Variants in TLNRD1 observed in about 807,000 individuals in gnomAD.
TLNRD1 encodes talin rod domain containing 1, also known as talin rod domain-containing protein 1.
TLNRD1 carries 14 observed loss-of-function variants against 19.5 expected under a neutral mutation model. The ratio of observed to expected loss-of-function variants is 0.72; its 90% CI spans 0.47 to 1.12. TLNRD1 has a LOEUF of 1.12. Ranked by LOEUF, TLNRD1 falls within the 50% of genes most tolerant of loss-of-function variation. The probability of loss-of-function intolerance (pLI) is 0.00; values close to 1 mark genes in which losing one functional copy is unlikely to be tolerated. For missense variants in TLNRD1, 569 were observed against 531.9 expected (o/e 1.07, Z -0.69); for synonymous variants, 345 against 261.7 (o/e 1.32, Z -3.07).
rs1893440641 is a variant in TLNRD1, at chr15:81,003,033, G to A, written c.762G>A (p.Leu254=). The A allele has an allele frequency of 6.4e-7, 1 of 1,552,424 alleles. No individual in the cohort carries two copies. The highest frequency in any genetic ancestry group is 8.7e-7 in the Non-Finnish European group (1 of 1,155,540). The part of the protein sequence containing the change: ...RSRCALFSGP[L]VQAVSALVGF... ...GCTGTGCGCTCTTCAGCGGGCCCCT[G>A]GTGCAGGCAGTGAGCGCCCTGGTAG... Residue 254 remains leucine (L), a synonymous_variant, in exon 1 of 1, where the codon CTG becomes CTA. Transcript: ENST00000267984.
rs1161004178 is a variant in TLNRD1, at chr15:81,003,031, C to T, written c.760C>T (p.Leu254=). Residue 254 remains leucine, a synonymous_variant, in exon 1 of 1, where the codon CTG becomes TTG. Transcript: ENST00000267984. ...RSRCALFSGP[L]VQAVSALVGF... Reference sequence around the variant, plus strand: ...CCGCTGTGCGCTCTTCAGCGGGCCCCTGGTGCAGGCAGTGAGCGCCCTGGT... The same window carrying T: ...CCGCTGTGCGCTCTTCAGCGGGCCCTTGGTGCAGGCAGTGAGCGCCCTGGT... 49 of 1,553,108 alleles carry T rather than the reference C, an allele frequency of 3.2e-5. No individual in the cohort carries two copies. Among genetic ancestry groups the T allele is most frequent in the East Asian group, 4.8e-5 (2 of 41,850 alleles).
Position 81,002,583 on chromosome 15 carries a change from C to T in TLNRD1, c.312C>T (p.Arg104=), listed in dbSNP as rs1244667228. The T allele has an allele frequency of 6.8e-7, 1 of 1,471,878 alleles. No homozygotes were observed. Among genetic ancestry groups the T allele is most frequent in the Non-Finnish European group, 8.9e-7 (1 of 1,119,886 alleles). The allele number at this position is 1,471,878 out of a possible 1,614,324, so 91.2% of individuals were successfully genotyped here. ...TGCAGAGCCAGCTCAACATGGGCCG[C>T]TTCGGGGAGGCGGGGGACAGCCTGG... is the stretch of plus-strand genomic sequence containing the variant. ...HDVQSQLNMG[R]FGEAGDSLVE... Residue 104 remains arginine, a synonymous_variant, in exon 1 of 1, where the codon CGC becomes CGT. Coordinates refer to ENST00000267984, the MANE Select transcript of TLNRD1 (RefSeq NM_022566.3).
Position 81,003,145 on chromosome 15 carries a change from G to T in TLNRD1, c.874G>T (p.Ala292Ser). 2 of 1,565,966 alleles carry T rather than the reference G, an allele frequency of 1.3e-6. No individual in the cohort carries two copies. Among genetic ancestry groups the T allele is most frequent in the Non-Finnish European group, 8.7e-7 (1 of 1,155,596 alleles). ...KAVQTAILGG[A>S]MSVVSACVLL... Reference sequence around the variant, plus strand: ...GGTGCAGACCGCCATCCTGGGCGGCGCCATGAGCGTGGTGTCGGCCTGCGT... The same window carrying T: ...GGTGCAGACCGCCATCCTGGGCGGCTCCATGAGCGTGGTGTCGGCCTGCGT... Residue 292 changes from alanine to serine, a missense_variant, in exon 1 of 1, where the codon GCC becomes TCC. Transcript: ENST00000267984.
At position 81,005,175 on chromosome 15, in the gene TLNRD1, C is replaced by G. The variant is rs1344832183; in HGVS notation, c.*1815C>G. 6.0e-6 allele frequency: 1 copy of G among 167,030 alleles called. No individual in the cohort carries two copies. Among genetic ancestry groups the G allele is most frequent in the African/African-American group, 2.4e-5 (1 of 41,436 alleles). The allele number at this position is 167,030 out of a possible 1,614,324, so 10.3% of individuals were successfully genotyped here. On this transcript the variant is annotated 3_prime_UTR_variant, in exon 1 of 1. Coordinates refer to ENST00000267984, the MANE Select transcript of TLNRD1 (RefSeq NM_022566.3). ...GAAAAAGTCTTAAAGTGGTAGGGTA[C>G]TTAAATTTTTAAAAAAATGACCATG... is the stretch of plus-strand genomic sequence containing the variant.
Position 81,003,066 on chromosome 15 carries a change from C to T in TLNRD1, c.795C>T (p.Ala265=). The stretch of plus-strand genomic sequence containing the variant: ...CAGTGAGCGCCCTGGTAGGCTTCGC[C>T]ACCGAGCCGCAGTTCCTGGGTCGCG... ...VQAVSALVGF[A]TEPQFLGRAA... is the part of the protein sequence containing the mutation. The change falls in exon 1 of 1, where the codon GCC becomes GCT. Residue 265 remains alanine (A), a synonymous_variant. Transcript: ENST00000267984. 1 of 1,546,398 alleles carries T rather than the reference C, an allele frequency of 6.5e-7. No homozygotes were observed. Among genetic ancestry groups the T allele is most frequent in the Non-Finnish European group, 8.7e-7 (1 of 1,151,744 alleles).
At position 81,003,550 on chromosome 15, in the gene TLNRD1, T is replaced by G; in HGVS notation, c.*190T>G. 1 of 618,316 alleles carries G rather than the reference T, an allele frequency of 1.6e-6. No homozygotes were observed. The highest frequency in any genetic ancestry group is 2.8e-6 in the Non-Finnish European group (1 of 358,412). The allele number at this position is 618,316 out of a possible 1,614,324, so 38.3% of individuals were successfully genotyped here. ...TGCACACGCACTTGGAGGGCCCAGG[T>G]GTCTCTCCACCAGCCCCCATGCAGT... On this transcript the variant is annotated 3_prime_UTR_variant, in exon 1 of 1. Transcript: ENST00000267984.
Position 81,002,737 on chromosome 15 carries a change from T to C in TLNRD1, c.466T>C (p.Cys156Arg). ...GLVDRYRVTR[C>R]RHEVEQGCAV... ...GGTGGACCGCTACCGCGTGACGCGA[T>C]GCCGCCACGAGGTGGAGCAGGGTTG... The change falls in exon 1 of 1, where the codon TGC becomes CGC. Residue 156 changes from cysteine (C) to arginine (R), a missense_variant. Coordinates refer to ENST00000267984, the MANE Select transcript of TLNRD1 (RefSeq NM_022566.3). 6.5e-7 allele frequency: 1 copy of C among 1,534,948 alleles called. No individual in the cohort carries two copies. Among genetic ancestry groups the C allele is most frequent in the South Asian group, 1.2e-5 (1 of 84,506 alleles).
In TLNRD1 at chr15:81,004,301, A is replaced by G. The variant is rs1456951565; in HGVS notation, c.*941A>G. ...TTTGTCTCATTTTTCCTGGAAAGTG[A>G]TTTAGCTCCCTTTGTCTCCACTTAC... On this transcript the variant is annotated 3_prime_UTR_variant, in exon 1 of 1. Transcript: ENST00000267984. 2 of 167,184 alleles carry G rather than the reference A, an allele frequency of 1.2e-5. No individual in the cohort carries two copies. Among genetic ancestry groups the G allele is most frequent in the African/African-American group, 4.8e-5 (2 of 41,566 alleles). 10.4% of individuals were successfully genotyped at this position (167,184 alleles called of 1,614,324 possible).
At position 81,001,606 on chromosome 15, in the gene TLNRD1, C is replaced by T. The variant is rs1893410115; in HGVS notation, c.-666C>T. 6.6e-6 allele frequency: 1 copy of T among 151,788 alleles called. No homozygotes were observed. The highest frequency in any genetic ancestry group is 1.5e-5 in the Non-Finnish European group (1 of 67,996). The allele number at this position is 151,788 out of a possible 1,614,324, so 9.4% of individuals were successfully genotyped here. A position where few individuals can be genotyped will look rare whatever the true frequency, so the allele number is the denominator to read the frequency against. ...TGCCGCCGGCGCCGCTTCCCAAGAG[C>T]TGGAGGCAGGAGATGCGCCCGGGGC... On this transcript the variant is annotated 5_prime_UTR_variant, in exon 1 of 1. Coordinates refer to ENST00000267984, the MANE Select transcript of TLNRD1 (RefSeq NM_022566.3).
chr15:81,003,416 T>C lies in TLNRD1; in HGVS notation c.*56T>C. 6.7e-7 allele frequency: 1 copy of C among 1,489,482 alleles called. No individual in the cohort carries two copies. The highest frequency in any genetic ancestry group is 1.3e-5 in the South Asian group (1 of 74,318). The allele number at this position is 1,489,482 out of a possible 1,614,324, so 92.3% of individuals were successfully genotyped here. The stretch of plus-strand genomic sequence containing the variant: ...CCAGACTAAAGGAAGATACTTACTC[T>C]CTGCCCCTCTCCATTTATACCAAAG... On this transcript the variant is annotated 3_prime_UTR_variant, in exon 1 of 1. Transcript: ENST00000267984.
At position 81,002,670 on chromosome 15, in the gene TLNRD1, C is replaced by T. The variant is rs773126503; in HGVS notation, c.399C>T (p.Ala133=). The part of the protein sequence containing the change: ...TECSAHAAYL[A]AVATPGAQPA... The stretch of plus-strand genomic sequence containing the variant: ...GCTCGGCCCACGCGGCCTATCTGGC[C>T]GCTGTGGCCACGCCGGGCGCCCAGC... Residue 133 remains alanine, a synonymous_variant, in exon 1 of 1, where the codon GCC becomes GCT. Coordinates refer to ENST00000267984, the MANE Select transcript of TLNRD1 (RefSeq NM_022566.3). The T allele has an allele frequency of 6.8e-7, 1 of 1,462,720 alleles. No individual in the cohort carries two copies. Among genetic ancestry groups the T allele is most frequent in the African/African-American group, 1.5e-5 (1 of 67,976 alleles). The allele number at this position is 1,462,720 out of a possible 1,614,324, so 90.6% of individuals were successfully genotyped here.
rs1206948815 is a variant in TLNRD1, at chr15:81,001,707, G to T, written c.-565G>T. ...GCCTGGTGGGGTCACGGCGCCTGAA[G>T]CCCACGTGCGCCGCCGAGCCCGAGG... On this transcript the variant is annotated 5_prime_UTR_variant, in exon 1 of 1. Coordinates refer to ENST00000267984, the MANE Select transcript of TLNRD1 (RefSeq NM_022566.3). 6.6e-6 allele frequency: 1 copy of T among 152,026 alleles called. No homozygotes were observed. The highest frequency in any genetic ancestry group is 1.5e-5 in the Non-Finnish European group (1 of 67,960). 9.4% of individuals were successfully genotyped at this position (152,026 alleles called of 1,614,324 possible).
In TLNRD1 at chr15:81,003,059, G is replaced by C. The variant is rs1014624778; in HGVS notation, c.788G>C (p.Gly263Ala). ...GTGCAGGCAGTGAGCGCCCTGGTAG[G>C]CTTCGCCACCGAGCCGCAGTTCCTG... Reference protein sequence around the residue: ...PLVQAVSALVGFATEPQFLGR... With the variant: ...PLVQAVSALVAFATEPQFLGR... The change falls in exon 1 of 1, where the codon GGC becomes GCC. Residue 263 changes from glycine to alanine, a missense_variant. Gly to Ala is a moderately conservative substitution (Grantham distance 60, BLOSUM62 0). Coordinates refer to ENST00000267984, the MANE Select transcript of TLNRD1 (RefSeq NM_022566.3). 3.2e-6 allele frequency: 5 copies of C among 1,546,908 alleles called. No homozygotes were observed. Among genetic ancestry groups the C allele is most frequent in the Admixed American group, 3.9e-5 (2 of 51,916 alleles).
At position 81,001,008 on chromosome 15, in the gene TLNRD1, A is replaced by G. The variant is rs879491318; in HGVS notation, c.-1264A>G. 29 of 155,296 alleles carry G rather than the reference A, an allele frequency of 1.9e-4. No homozygotes were observed. The highest frequency in any genetic ancestry group is 5.3e-4 in the South Asian group (3 of 5,628). The allele number at this position is 155,296 out of a possible 1,614,324, so 9.6% of individuals were successfully genotyped here. On this transcript the variant is annotated 5_prime_UTR_variant, in exon 1 of 1. Transcript: ENST00000267984. ...GGGCGAGGCGCGGACGGGAACAGGA[A>G]AAGCCTCCGGCAGCCCCTGCGGGCG... is the stretch of plus-strand genomic sequence containing the variant.
In TLNRD1 at chr15:81,002,725, C is replaced by G. The variant is rs1321190991; in HGVS notation, c.454C>G (p.Arg152Gly). The change falls in exon 1 of 1, where the codon CGC (arginine) becomes GGC (glycine). Residue 152 changes from arginine (R) to glycine (G), a missense_variant. Coordinates refer to ENST00000267984, the MANE Select transcript of TLNRD1 (RefSeq NM_022566.3). ...GCAGCCGGGCCTGGTGGACCGCTAC[C>G]GCGTGACGCGATGCCGCCACGAGGT... ...PAQPGLVDRY[R>G]VTRCRHEVEQ... 1 of 1,533,532 alleles carries G rather than the reference C, an allele frequency of 6.5e-7. No individual in the cohort carries two copies. The highest frequency in any genetic ancestry group is 2.0e-5 in the Admixed American group (1 of 50,878). The allele number at this position is 1,533,532 out of a possible 1,614,324, so 95.0% of individuals were successfully genotyped here.
In TLNRD1 at chr15:81,002,200, G is replaced by C; in HGVS notation, c.-72G>C. ...CAGCTGAGTCGCGACGGCCGCCGGG[G>C]CGGCGGCAGTGGCCGCGGCAGCGGC... On this transcript the variant is annotated 5_prime_UTR_variant, in exon 1 of 1. Transcript: ENST00000267984. 2 of 1,209,244 alleles carry C rather than the reference G, an allele frequency of 1.7e-6. No individual in the cohort carries two copies. Among genetic ancestry groups the C allele is most frequent in the Non-Finnish European group, 2.1e-6 (2 of 973,500 alleles). 74.9% of individuals were successfully genotyped at this position (1,209,244 alleles called of 1,614,324 possible).
In TLNRD1 at chr15:81,002,751, G is replaced by C. The variant is rs752022115; in HGVS notation, c.480G>C (p.Val160=). Residue 160 remains valine, a synonymous_variant, in exon 1 of 1, where the codon GTG becomes GTC. Transcript: ENST00000267984. The part of the protein sequence containing the change: ...RYRVTRCRHE[V]EQGCAVLRAT... ...GCGTGACGCGATGCCGCCACGAGGT[G>C]GAGCAGGGTTGCGCCGTGCTGCGCG... The C allele has an allele frequency of 6.5e-7, 1 of 1,538,266 alleles. No homozygotes were observed. The highest frequency in any genetic ancestry group is 1.9e-5 in the Admixed American group (1 of 51,422).
chr15:81,002,619 C>A lies in TLNRD1; in HGVS notation c.348C>A (p.Gly116=). The change falls in exon 1 of 1, where the codon GGC becomes GGA. Residue 116 remains glycine, a synonymous_variant. Coordinates refer to ENST00000267984, the MANE Select transcript of TLNRD1 (RefSeq NM_022566.3). ...CGGGGGACAGCCTGGTGGAGCTGGG[C>A]GACCTGGTGGTGTCGCTGACCGAGT... The part of the protein sequence containing the change: ...GEAGDSLVEL[G]DLVVSLTECS... The A allele has an allele frequency of 2.0e-6, 3 of 1,489,430 alleles. No individual in the cohort carries two copies. Among genetic ancestry groups the A allele is most frequent in the Non-Finnish European group, 2.7e-6 (3 of 1,129,830 alleles). 92.3% of individuals were successfully genotyped at this position (1,489,430 alleles called of 1,614,324 possible).
In TLNRD1 at chr15:81,003,856, A is replaced by G. The variant is rs572276777; in HGVS notation, c.*496A>G. 2.4e-5 allele frequency: 4 copies of G among 165,960 alleles called. No homozygotes were observed. Among genetic ancestry groups the G allele is most frequent in the African/African-American group, 9.8e-5 (4 of 41,006 alleles). 10.3% of individuals were successfully genotyped at this position (165,960 alleles called of 1,614,324 possible). On this transcript the variant is annotated 3_prime_UTR_variant, in exon 1 of 1. Coordinates refer to ENST00000267984, the MANE Select transcript of TLNRD1 (RefSeq NM_022566.3). The stretch of plus-strand genomic sequence containing the variant: ...GGTGTGGAAAGAGTATGAATTTGCC[A>G]TGTGATTTGCAAATGGGGGGAAGCT...
Sources: allele counts gnomAD v4.1 joint callset, GRCh38; gene constraint gnomAD v4.1.1; transcripts MANE v1.5; gene names NCBI Gene and HGNC (gene_info 2026-07-23, HGNC 2026-07-21).